Variants in BRWD1 observed in about 807,000 individuals in gnomAD.
The protein encoded by BRWD1 is bromodomain and WD repeat-containing protein 1.
A neutral mutation model predicts 251.2 loss-of-function variants in BRWD1; 82 were observed. The observed-to-expected ratio is 0.33, with a 90% CI of 0.27 to 0.39. The LOEUF (loss-of-function observed/expected upper bound fraction) is 0.39, where lower values mean the gene tolerates loss of function less well. BRWD1 is among the 10% of genes least tolerant of loss of function. The pLI is 1.00. For synonymous variants in BRWD1, 918 were observed against 902.8 expected, an observed-to-expected ratio of 1.02 and a Z score of -0.30; for missense variants, 2,233 against 2,711.6, an observed-to-expected ratio of 0.82 and a Z score of 3.92.
At chr21:39,217,934 T>C (rs1169080153) in intron 31 of BRWD1, among the ~76,000 whole-genome samples, 1 of 151,830 alleles carries the variant, frequency 6.6e-6, no homozygotes, top group Admixed American at 6.6e-5. Flanking sequence ...AAATAATCAC[T>C]GAAAAAAAAA....
rs571586507 is a variant in BRWD1, at chr21:39,287,426, T to C, written c.831+6385A>G. On this transcript the variant is annotated intron_variant, in intron 8 of 40. Coordinates refer to ENST00000342449, the MANE Select transcript of BRWD1 (RefSeq NM_033656.4). ...TAGCGCCAAACATTTTTTACCTAAA[T>C]AATAAGTAGGTAGAGAAAATGTTTA... is the stretch of plus-strand genomic sequence containing the variant. Among the ~76,000 whole-genome samples, 3 of 152,346 alleles carry C rather than the reference T, an allele frequency of 2.0e-5. 1 individual carries two copies. The South Asian group carries it at 6.2e-4, about 32-fold the overall frequency.
At chr21:39,222,621 A>C (rs998603581) in intron 29 of BRWD1, among the ~76,000 whole-genome samples, 1 of 152,234 alleles carries the variant, frequency 6.6e-6, no homozygotes, top group Admixed American at 6.5e-5. Context: ...TTTCACAAAA[A>C]TCTGAGTACA....
intron 29 of BRWD1, among the ~76,000 whole-genome samples, chr21:39,221,154 TAAA>T (rs35879682): frequency 4.5e-5 from 5 of 109,906 alleles, no homozygotes; most frequent in Non-Finnish European, 3.7e-5. Flanking sequence ...AACTACATCT[TAAA>T]AAAAAAAAAA....
chr21:39,274,593 G>A (rs1390369020), intron 12 of BRWD1, 121 bp from the exon 13 acceptor site: 5 of 798,582 alleles, frequency 6.3e-6, no homozygotes, highest in Non-Finnish European at 1.0e-5. Flanking sequence ...CAATCCACAG[G>A]TGTTAATTCA....
rs766793544 is a variant in BRWD1, at chr21:39,187,070, G to C, written c.*9189C>G. 3.8e-6 allele frequency: 6 copies of C among 1,591,948 alleles called. No homozygotes were observed. The Admixed American group carries it at 9.2e-5, about 25-fold the overall frequency. On this transcript the variant is annotated 3_prime_UTR_variant, in exon 41 of 41. Coordinates refer to ENST00000342449, the MANE Select transcript of BRWD1 (RefSeq NM_033656.4). ...CAGGATCTGAACCCCCTTAAAAAAA[G>C]CATTTTTCTATTAATATCTTCTAGC...
At chr21:39,280,289 T>A in intron 8 of BRWD1, 41 bp from the exon 9 acceptor site, 1 of 1,458,684 alleles carries the variant, frequency 6.9e-7, no homozygotes, top group Non-Finnish European at 9.5e-7. Context: ...CCAGAACTTC[T>A]ACTTAAGTTA....
intron 8 of BRWD1, among the ~76,000 whole-genome samples, chr21:39,285,911 G>GTAGT (rs1469351200): frequency 6.7e-6 from 1 of 148,730 alleles, no homozygotes; most frequent in African/African-American, 2.5e-5. Flanking sequence ...TTCGTCAAAG[G>GTAGT]TAGTTAGCTG....
In BRWD1 at chr21:39,295,164, G is replaced by A. The variant is rs182860550; in HGVS notation, c.609+579C>T. The stretch of plus-strand genomic sequence containing the variant: ...AGAATGTGCTAGAGGGAAAGTGTTA[G>A]GTATGTCTATGTTTTTTTTTTTTTT... On this transcript the variant is annotated intron_variant, in intron 7 of 40. Coordinates refer to ENST00000342449, the MANE Select transcript of BRWD1 (RefSeq NM_033656.4). Among the ~76,000 whole-genome samples the A allele has an allele frequency of 1.7e-3, 233 of 140,926 alleles. 5 individuals are homozygous for A. Among genetic ancestry groups the A allele is most frequent in the Admixed American group, 0.015 (198 of 13,366 alleles). 92.5% of individuals were successfully genotyped at this position (140,926 alleles called of 152,430 possible). A position where few individuals can be genotyped will look rare whatever the true frequency, so the allele number is the denominator to read the frequency against.
intron 4 of BRWD1, 190 bp downstream of exon 4, chr21:39,312,651 C>G: frequency 2.4e-6 from 1 of 419,750 alleles, no homozygotes; most frequent in Non-Finnish European, 4.4e-6. Flanking sequence ...ATGACTGTTT[C>G]CTGCCAAAAC....
intron 31 of BRWD1, chr21:39,216,712 A>G: frequency 2.4e-6 from 1 of 420,068 alleles, no homozygotes; most frequent in Non-Finnish European, 4.7e-6. Context: ...TGCTTTTTGG[A>G]CTGTGTTAAA....
chr21:39,227,504 T>C (rs1184051212), intron 27 of BRWD1, among the ~76,000 whole-genome samples: 1 of 152,176 alleles, frequency 6.6e-6, no homozygotes, highest in Non-Finnish European at 1.5e-5. Flanking sequence ...CCTCCTTAAA[T>C]GATCATCACA....
Position 39,199,035 on chromosome 21 carries a change from T to C in BRWD1, c.5381A>G (p.Glu1794Gly), listed in dbSNP as rs1478746112. 1 of 1,614,218 alleles carries C rather than the reference T, an allele frequency of 6.2e-7. No individual in the cohort carries two copies. The change falls in exon 40 of 41, where the codon GAA (glutamate) becomes GGA (glycine). Residue 1794 changes from glutamate to glycine, a missense_variant. By Grantham distance (98) the Glu-to-Gly change is moderately conservative (BLOSUM62 -2). This residue lies in a region of BRWD1 where 928 missense variants were observed against 970.0 expected (regional missense o/e 0.96). Coordinates refer to ENST00000342449, the MANE Select transcript of BRWD1 (RefSeq NM_033656.4). ...AESISEEADS[E>G]PGRSGGRKYN... is the part of the protein sequence containing the mutation. The stretch of plus-strand genomic sequence containing the variant: ...TTTCCTACCACCAGATCTTCCTGGT[T>C]CAGAATCTGCTTCCTCTGAGATGCT...
At chr21:39,316,022 T>G (rs941369451), upstream of BRWD1, among the ~76,000 whole-genome samples, 1 of 152,076 alleles carries the variant, frequency 6.6e-6, no homozygotes, top group African/African-American at 2.4e-5. Context: ...TGGGGTGACT[T>G]TGGAGAGGAT....
rs1405377788 is a variant in BRWD1, at chr21:39,210,124, G to C, written c.4068C>G (p.Thr1356=). ...EYPDYRDIID[T]PMDFGTVRET... is the part of the protein sequence containing the mutation. ...CCCTTACTGTTCCAAAATCCATTGG[G>C]GTATCTATAATATCTCTGTAGTCCT... The change falls in exon 36 of 41, where the codon ACC becomes ACG. Residue 1356 remains threonine, a synonymous_variant. Coordinates refer to ENST00000342449, the MANE Select transcript of BRWD1 (RefSeq NM_033656.4). 6.2e-7 allele frequency: 1 copy of C among 1,609,968 alleles called. No homozygotes were observed. Among genetic ancestry groups the C allele is most frequent in the East Asian group, 2.2e-5 (1 of 44,772 alleles).
intron 37 of BRWD1, among the ~76,000 whole-genome samples, chr21:39,203,142 G>A (rs2032193449): frequency 6.6e-6 from 1 of 152,222 alleles, no homozygotes; most frequent in African/African-American, 2.4e-5. Context: ...AATGAATATT[G>A]AGATAATCCT....
chr21:39,241,166 G>A (rs1169572322), intron 21 of BRWD1, among the ~76,000 whole-genome samples: 1 of 151,304 alleles, frequency 6.6e-6, no homozygotes, highest in East Asian at 2.0e-4. Flanking sequence ...AAACAAATAA[G>A]TTTATGATAA....
At chr21:39,216,971 CT>C (rs1316764651) in intron 31 of BRWD1, 1 of 136,900 alleles carries the variant, frequency 7.3e-6, no homozygotes, top group Non-Finnish European at 1.5e-5. Flanking sequence ...TGTTGTTCCC[CT>C]CTGTGTGTCC....
chr21:39,314,594 TCTGAC>T (rs2036656149), upstream of BRWD1: 1 of 347,644 alleles, frequency 2.9e-6, no homozygotes, highest in South Asian at 2.2e-5. Context: ...TTGCCAGGCT[TCTGAC>T]CTAACTATGA....
chr21:39,280,357 G>A (rs2035417490), intron 8 of BRWD1, 109 bp from the exon 9 acceptor site: 2 of 794,834 alleles, frequency 2.5e-6, no homozygotes, highest in Non-Finnish European at 2.0e-6. Context: ...ATAAACACAT[G>A]AAATCCAAAA....
Sources: allele counts gnomAD v4.1 joint callset (sites outside exome capture counted in the v4.1 genomes callset), GRCh38; gene constraint gnomAD v4.1.1; regional missense constraint gnomAD v4.1.1; transcripts MANE v1.5; gene names NCBI Gene and HGNC (gene_info 2026-07-23, HGNC 2026-07-21).